The following SRL variants were observed in gnomAD, a reference collection of about 807,000 sequenced individuals.
The protein encoded by SRL is sarcalumenin.
SRL carries 23 observed loss-of-function variants against 39.5 expected under a neutral mutation model. The observed-to-expected ratio is 0.58, with a 90% CI of 0.42 to 0.82. SRL has a LOEUF of 0.82. Among genes scored for constraint, SRL ranks in the 40% least tolerant of loss-of-function variants. The probability of loss-of-function intolerance (pLI) is 0.00; values close to 1 mark genes in which losing one functional copy is unlikely to be tolerated. For synonymous variants in SRL, 272 were observed against 237.4 expected, an observed-to-expected ratio of 1.15 and a Z score of -1.34; for missense variants, 592 against 607.8, an observed-to-expected ratio of 0.97 and a Z score of 0.27.
intron 1 of SRL, among the ~76,000 whole-genome samples, chr16:4,231,622 T>C (rs1277805240): frequency 6.6e-6 from 1 of 152,172 alleles, no homozygotes; most frequent in Non-Finnish European, 1.5e-5. Context: ...GTCTACCTTA[T>C]ATGGTTCTCT....
intron 1 of SRL, among the ~76,000 whole-genome samples, chr16:4,217,047 C>T (rs1244406003): frequency 6.6e-6 from 1 of 152,174 alleles, no homozygotes; most frequent in Non-Finnish European, 1.5e-5. Flanking sequence ...TCTGGGCCCA[C>T]CCCATCCCCA....
intron 3 of SRL, among the ~76,000 whole-genome samples, chr16:4,202,328 T>C (rs2052246563): frequency 6.6e-6 from 1 of 152,192 alleles, no homozygotes; most frequent in African/African-American, 2.4e-5. Context: ...GAGCGGTGGC[T>C]CACGCTTGTA....
intron 1 of SRL, among the ~76,000 whole-genome samples, chr16:4,233,503 CA>C (rs1282625184): frequency 6.6e-6 from 1 of 152,344 alleles, no homozygotes; most frequent in East Asian, 1.9e-4. Flanking sequence ...TCCCTCTGCA[CA>C]GCCAACCTTC....
At chr16:4,241,945 G>A (rs2052777321) in intron 1 of SRL, 62 bp downstream of exon 1, 1 of 1,596,942 alleles carries the variant, frequency 6.3e-7, no homozygotes, top group African/African-American at 1.3e-5. Flanking sequence ...ATGGTAGACA[G>A]AAAACCTTGG....
chr16:4,212,732 A>T (rs1313926625), intron 1 of SRL, among the ~76,000 whole-genome samples: 1 of 151,344 alleles, frequency 6.6e-6, no homozygotes, highest in Non-Finnish European at 1.5e-5. Flanking sequence ...GCCCCACCCC[A>T]CTCACACCCA....
intron 1 of SRL, among the ~76,000 whole-genome samples, chr16:4,209,419 C>T (rs1204165366): frequency 1.3e-5 from 2 of 152,190 alleles, no homozygotes; most frequent in Non-Finnish European, 2.9e-5. Flanking sequence ...GCTGAGGCAG[C>T]CTCTGTTCTT....
At chr16:4,196,991 A>C (rs1000913417) in intron 4 of SRL, among the ~76,000 whole-genome samples, 2 of 142,646 alleles carry the variant, frequency 1.4e-5, no homozygotes, top group Non-Finnish European at 3.0e-5. Flanking sequence ...TGTTTTGGCT[A>C]TTGTGAATAA....
chr16:4,199,914 C>T (rs2052203027), intron 3 of SRL, among the ~76,000 whole-genome samples: 1 of 152,132 alleles, frequency 6.6e-6, no homozygotes, highest in Admixed American at 6.5e-5. Flanking sequence ...CCAGGCTGGT[C>T]TCGAACTCTT....
chr16:4,200,104 G>A (rs1328249390), intron 3 of SRL, among the ~76,000 whole-genome samples: 2 of 152,192 alleles, frequency 1.3e-5, no homozygotes, highest in East Asian at 1.9e-4. Context: ...ACCAGGTGGT[G>A]TCTTATACAT....
chr16:4,207,160 C>T (rs1014215754), intron 1 of SRL: 3 of 456,868 alleles, frequency 6.6e-6, no homozygotes, highest in Middle Eastern at 3.3e-4. Context: ...GCCCCATCGC[C>T]GCTGTCCTCT....
chr16:4,195,389 G>T (rs1263629809), intron 5 of SRL, among the ~76,000 whole-genome samples, 164 bp downstream of exon 5: 2 of 152,032 alleles, frequency 1.3e-5, no homozygotes, highest in Admixed American at 6.6e-5. Context: ...GTAGAGATGA[G>T]GTTTCACTAT....
chr16:4,204,110 T>C (rs1051473846), intron 2 of SRL, among the ~76,000 whole-genome samples: 1 of 152,202 alleles, frequency 6.6e-6, no homozygotes, highest in African/African-American at 2.4e-5. Context: ...TCCAGTTAGG[T>C]GGCTCATTGA....
intron 1 of SRL, among the ~76,000 whole-genome samples, chr16:4,238,375 T>C (rs1216788382): frequency 6.6e-6 from 1 of 152,002 alleles, no homozygotes; most frequent in African/African-American, 2.4e-5. Flanking sequence ...CCTGAGTCCA[T>C]AGGCTGACTC....
At chr16:4,208,023 A>G in intron 1 of SRL, 1 of 456,670 alleles carries the variant, frequency 2.2e-6, no homozygotes, top group Non-Finnish European at 4.4e-6. Context: ...TTTCTCCTCT[A>G]GACTTGCGTC....
chr16:4,222,082 A>G (rs1010117619), intron 1 of SRL, among the ~76,000 whole-genome samples: 10 of 152,174 alleles, frequency 6.6e-5, no homozygotes, highest in African/African-American at 1.9e-4. Flanking sequence ...AATCCAACCC[A>G]TAACAGGTCC....
intron 1 of SRL, chr16:4,206,925 G>A (rs1208950532): frequency 6.1e-5 from 28 of 456,268 alleles, no homozygotes; most frequent in Non-Finnish European, 1.2e-4. Context: ...GGCTTCCTGG[G>A]GCTCCCTGGC....
intron 1 of SRL, among the ~76,000 whole-genome samples, chr16:4,234,664 C>T (rs1441120715): frequency 2.0e-5 from 3 of 152,240 alleles, no homozygotes; most frequent in East Asian, 1.9e-4. Flanking sequence ...ACCCCTGTCA[C>T]GTCCTACTGA....
chr16:4,206,916 GC>G (rs1354243870), intron 1 of SRL: 7 of 456,240 alleles, frequency 1.5e-5, no homozygotes, highest in South Asian at 1.1e-4. Flanking sequence ...GGGTTCCCTG[GC>G]TTCCTGGGGC....
chr16:4,230,429 G>A (rs1181406268), intron 1 of SRL, among the ~76,000 whole-genome samples: 1 of 150,398 alleles, frequency 6.6e-6, no homozygotes, highest in Non-Finnish European at 1.5e-5. Context: ...CGCCCAGGCT[G>A]GAGTATGGTG....
Sources: gnomAD v4.1 joint callset for allele counts (sites outside exome capture counted in the v4.1 genomes callset) on GRCh38, gnomAD v4.1.1 for gene constraint, MANE v1.5 for transcripts, NCBI Gene and HGNC (gene_info 2026-07-23, HGNC 2026-07-21) for gene names.